The following PRKD1 variants were observed in gnomAD, a reference collection of about 807,000 sequenced individuals.
The protein encoded by PRKD1 is protein kinase D1, also known as serine/threonine-protein kinase D1.
In PRKD1, 63 loss-of-function variants were observed where a neutral mutation model predicts 95.9. The observed-to-expected ratio is 0.66, with a 90% CI of 0.54 to 0.81. PRKD1 has a LOEUF of 0.81. Ranked by LOEUF, PRKD1 falls within the 30% of genes least tolerant of loss-of-function variation. PRKD1 has a pLI of 0.00. For missense variants in PRKD1, 1,048 were observed against 1,165.3 expected (o/e 0.90, Z 1.47); for synonymous variants, 425 against 423.1 (o/e 1.00, Z -0.05).
intron 1 of PRKD1, among the ~76,000 whole-genome samples, chr14:29,801,299 G>T (rs1890016662): frequency 6.6e-6 from 1 of 152,134 alleles, no homozygotes; most frequent in African/African-American, 2.4e-5. Context: ...ACTGAATATG[G>T]ATGTTAACCA....
chr14:29,776,302 T>A (rs563211205), intron 1 of PRKD1, among the ~76,000 whole-genome samples: 2 of 152,308 alleles, frequency 1.3e-5, no homozygotes, highest in African/African-American at 4.8e-5. Flanking sequence ...GGAGAATGAC[T>A]TTGATGAGTT....
chr14:29,790,427 T>C (rs1889489727), intron 1 of PRKD1, among the ~76,000 whole-genome samples: 1 of 152,198 alleles, frequency 6.6e-6, no homozygotes, highest in Non-Finnish European at 1.5e-5. Flanking sequence ...TATTTAGTTT[T>C]GCTTTTTGAA....
At chr14:29,776,867 G>A (rs1490615903) in intron 1 of PRKD1, among the ~76,000 whole-genome samples, 1 of 152,152 alleles carries the variant, frequency 6.6e-6, no homozygotes, top group Non-Finnish European at 1.5e-5. Flanking sequence ...TTGAAATGAA[G>A]GAAAAAATGT....
chr14:29,842,210 G>A (rs1198961306), intron 1 of PRKD1, among the ~76,000 whole-genome samples: 7 of 152,124 alleles, frequency 4.6e-5, no homozygotes, highest in Admixed American at 6.5e-5. Flanking sequence ...TTACATCAGT[G>A]GAAGTACACT....
At chr14:29,731,276 T>TC (rs1284663432) in intron 1 of PRKD1, among the ~76,000 whole-genome samples, 3 of 152,164 alleles carry the variant, frequency 2.0e-5, no homozygotes, top group African/African-American at 7.2e-5. Context: ...TGTTCTTAAT[T>TC]CCTCATTTAA....
intron 1 of PRKD1, among the ~76,000 whole-genome samples, chr14:29,795,616 G>A (rs1212047173): frequency 6.6e-6 from 1 of 152,040 alleles, no homozygotes; most frequent in Non-Finnish European, 1.5e-5. Flanking sequence ...TTTCAAATCA[G>A]AGTTCTTTTC....
chr14:29,894,633 C>G (rs189228015), intron 1 of PRKD1, among the ~76,000 whole-genome samples: 33 of 152,174 alleles, frequency 2.2e-4, no homozygotes, highest in African/African-American at 7.5e-4. Context: ...CTATCTAGGA[C>G]CATGGGGTTA....
chr14:29,851,872 C>T (rs928288546), intron 1 of PRKD1, among the ~76,000 whole-genome samples: 4 of 152,122 alleles, frequency 2.6e-5, no homozygotes, highest in Non-Finnish European at 5.9e-5. Flanking sequence ...AAATGTGGTA[C>T]ATATACATCA....
intron 1 of PRKD1, among the ~76,000 whole-genome samples, chr14:29,766,785 G>A (rs1319929321): frequency 4.6e-5 from 7 of 152,106 alleles, no homozygotes; most frequent in Admixed American, 3.3e-4. Context: ...CAGAATTTAA[G>A]ATTATAGCTA....
chr14:29,589,265 T>C (rs1304051168), intron 16 of PRKD1, among the ~76,000 whole-genome samples: 6 of 152,238 alleles, frequency 3.9e-5, no homozygotes, highest in Non-Finnish European at 7.3e-5. Flanking sequence ...GTCATCATTT[T>C]CCTAGTGAAA....
chr14:29,897,090 A>G (rs2139423548), intron 1 of PRKD1, among the ~76,000 whole-genome samples: 1 of 152,150 alleles, frequency 6.6e-6, no homozygotes, highest in African/African-American at 2.4e-5. Context: ...GTATCTTTCT[A>G]GATTTCTATG....
At chr14:29,845,464 G>A (rs1179866535) in intron 1 of PRKD1, among the ~76,000 whole-genome samples, 2 of 151,998 alleles carry the variant, frequency 1.3e-5, no homozygotes, top group African/African-American at 2.4e-5. Context: ...TACATTTTTT[G>A]TATTGAAGTT....
chr14:29,866,150 T>C (rs1360994422), intron 1 of PRKD1, among the ~76,000 whole-genome samples: 4 of 150,960 alleles, frequency 2.6e-5, no homozygotes, highest in Non-Finnish European at 5.9e-5. Context: ...AAAGCAGCCA[T>C]AAAAATTTAG....
intron 1 of PRKD1, among the ~76,000 whole-genome samples, chr14:29,817,529 T>C (rs983320892): frequency 6.6e-6 from 1 of 152,222 alleles, no homozygotes; most frequent in Non-Finnish European, 1.5e-5. Context: ...TTTGCTATAT[T>C]ATAGACACAG....
chr14:29,781,737 C>G (rs1208229470), intron 1 of PRKD1, among the ~76,000 whole-genome samples: 1 of 152,206 alleles, frequency 6.6e-6, no homozygotes, highest in Non-Finnish European at 1.5e-5. Flanking sequence ...TTTGTATATT[C>G]AGAGATTCTA....
chr14:29,661,406 G>C (rs1020423878), intron 4 of PRKD1, among the ~76,000 whole-genome samples: 1 of 152,020 alleles, frequency 6.6e-6, no homozygotes, highest in Non-Finnish European at 1.5e-5. Context: ...CTCTTATTAG[G>C]CACCCACTAT....
intron 1 of PRKD1, among the ~76,000 whole-genome samples, chr14:29,820,131 T>G (rs534764425): frequency 1.1e-4 from 16 of 152,304 alleles, no homozygotes; most frequent in Middle Eastern, 3.4e-3. Context: ...TACAGAATCA[T>G]AAGGACACCC....
At chr14:29,630,556 T>G in intron 10 of PRKD1, 186 bp downstream of exon 10, 1 of 675,528 alleles carries the variant, frequency 1.5e-6, no homozygotes, top group Non-Finnish European at 2.4e-6. Context: ...TAGGATAATT[T>G]AACAAACTAA....
chr14:29,633,223 A>G (rs1203076260), intron 8 of PRKD1, among the ~76,000 whole-genome samples: 1 of 152,314 alleles, frequency 6.6e-6, no homozygotes, highest in South Asian at 2.1e-4. Context: ...AGTGCATAGT[A>G]AACAGAAAAC....
Sources: allele counts gnomAD v4.1 joint callset (sites outside exome capture counted in the v4.1 genomes callset), GRCh38; gene constraint gnomAD v4.1.1; transcripts MANE v1.5; gene names NCBI Gene and HGNC (gene_info 2026-07-23, HGNC 2026-07-21).